The following DDX31 variants were observed in gnomAD, a reference collection of about 807,000 sequenced individuals.
The protein encoded by DDX31 is DEAD-box helicase 31.
A neutral mutation model predicts 91.3 loss-of-function variants in DDX31; 70 were observed. The observed-to-expected ratio is 0.77, with a 90% CI of 0.63 to 0.94. The LOEUF is 0.94. DDX31 is among the 40% of genes least tolerant of loss of function. The pLI is 0.00. For missense variants in DDX31, 902 were observed against 925.0 expected (o/e 0.98, Z 0.32); for synonymous variants, 362 against 350.6 (o/e 1.03, Z -0.36).
intron 19 of DDX31, among the ~76,000 whole-genome samples, chr9:132,609,100 G>C (rs1248223800): frequency 1.3e-5 from 2 of 152,126 alleles, no homozygotes; most frequent in African/African-American, 2.4e-5. Context: ...GCCTTCAAAA[G>C]AAGGGCATAG....
Position 132,669,660 on chromosome 9 carries a change from T to G in DDX31, c.75+200A>C, listed in dbSNP as rs550789818. The G allele has an allele frequency of 3.9e-4, 595 of 1,532,344 alleles. 1 individual carries two copies. The African/African-American group carries it at 6.9e-3, about 18-fold the overall frequency. 94.9% of individuals were successfully genotyped at this position (1,532,344 alleles called of 1,614,324 possible). On this transcript the variant is annotated intron_variant, in intron 1 of 19. Coordinates refer to ENST00000372159, the MANE Select transcript of DDX31 (RefSeq NM_022779.9). Reference sequence around the variant, plus strand: ...CCCTCCACACCGCTCCACTCCCCGCTTCCAGGCGCATCCCTGCGGGTGGTG... The same window carrying G: ...CCCTCCACACCGCTCCACTCCCCGCGTCCAGGCGCATCCCTGCGGGTGGTG...
intron 13 of DDX31, among the ~76,000 whole-genome samples, chr9:132,645,265 C>A (rs1046200330): frequency 8.5e-5 from 13 of 152,138 alleles, no homozygotes; most frequent in Non-Finnish European, 1.9e-4. Flanking sequence ...TGGAGGAATG[C>A]GACTCACATA....
chr9:132,652,056 G>T (rs937730585), intron 7 of DDX31, among the ~76,000 whole-genome samples: 1 of 151,872 alleles, frequency 6.6e-6, no homozygotes, highest in Non-Finnish European at 1.5e-5. Flanking sequence ...TAACTTTTAG[G>T]AACAAGTAAC....
At chr9:132,652,402 G>A (rs1834250777) in intron 7 of DDX31, 46 bp downstream of exon 7, 11 of 1,612,392 alleles carry the variant, frequency 6.8e-6, no homozygotes, top group Non-Finnish European at 9.3e-6. Context: ...CGGGACATTA[G>A]TGAAAGCATG....
intron 11 of DDX31, 79 bp downstream of exon 11, chr9:132,648,110 A>T: frequency 8.3e-7 from 1 of 1,207,694 alleles, no homozygotes; most frequent in Middle Eastern, 2.8e-4. Flanking sequence ...GAATCACTGC[A>T]GCAAACAACC....
rs117982665 is a variant in DDX31, at chr9:132,638,825, G to A, written c.1440+3179C>T. 1.5e-3 allele frequency among the ~76,000 whole-genome samples: 221 copies of A among 152,296 alleles called. 5 individuals carry two copies. The East Asian group carries it at 0.034, about 23-fold the overall frequency. On this transcript the variant is annotated intron_variant, in intron 14 of 19. Transcript: ENST00000372159. ...GGACTTTTTAACCATGAAGGAAACA[G>A]CGTAATTGTGAACTTCTGTGTGAGC...
rs952729210 is a variant in DDX31 at position 132,594,516 on chromosome 9, C to G, written c.*350G>C. ...CACAGTTAAGGGCAGCAATCAAGCC[C>G]GTTCCAGGCTGACGCGCAGGGCGTT... On this transcript the variant is annotated 3_prime_UTR_variant, in exon 20 of 20. Coordinates refer to ENST00000372159, the MANE Select transcript of DDX31 (RefSeq NM_022779.9). The G allele has an allele frequency of 4.1e-5, 9 of 218,150 alleles. No homozygotes were observed. The highest frequency in any genetic ancestry group is 7.3e-5 in the Non-Finnish European group (8 of 108,924). The allele number at this position is 218,150 out of a possible 1,614,324, so 13.5% of individuals were successfully genotyped here. A position where few individuals can be genotyped will look rare whatever the true frequency, so the allele number is the denominator to read the frequency against.
At chr9:132,669,812 C>T in intron 1 of DDX31, 48 bp downstream of exon 1, 1 of 1,529,994 alleles carries the variant, frequency 6.5e-7, no homozygotes, top group South Asian at 1.2e-5. Context: ...GGCGCGCCCA[C>T]AGCCGGGCCG....
chr9:132,658,758 A>G (rs751956430), intron 5 of DDX31, 23 bp from the exon 6 acceptor site: 187 of 1,610,402 alleles, frequency 1.2e-4, no homozygotes, highest in Non-Finnish European at 1.5e-4. Context: ...AAGCAGAAGC[A>G]ATTAAAATCA....
intron 17 of DDX31, among the ~76,000 whole-genome samples, chr9:132,624,818 T>A (rs1832297272): frequency 6.6e-6 from 1 of 152,186 alleles, no homozygotes; most frequent in South Asian, 2.1e-4. Context: ...CAAGAGAATT[T>A]AAGTCAGGCT....
rs57020423 is a variant in DDX31, at chr9:132,632,241, TACACAC to T, written c.1441-156_1441-151del. ...CATACACGTATATGCCCAGTACGTG[TACACAC>T]ACACACACACACACACACACACACA... On this transcript the variant is annotated intron_variant, in intron 14 of 19. Coordinates refer to ENST00000372159, the MANE Select transcript of DDX31 (RefSeq NM_022779.9). 97 of 94,136 alleles carry T rather than the reference TACACAC, an allele frequency of 1.0e-3. 1 individual carries two copies. Among genetic ancestry groups the T allele is most frequent in the Non-Finnish European group, 1.3e-3 (65 of 51,994 alleles). 5.8% of individuals were successfully genotyped at this position (94,136 alleles called of 1,614,324 possible). A position where few individuals can be genotyped will look rare whatever the true frequency, so the allele number is the denominator to read the frequency against.
chr9:132,668,864 G>C (rs1320927821), intron 1 of DDX31, among the ~76,000 whole-genome samples: 1 of 152,196 alleles, frequency 6.6e-6, no homozygotes, highest in Non-Finnish European at 1.5e-5. Flanking sequence ...CACCGCGCCC[G>C]GCCGCGGCTT....
rs994516574 is a variant in DDX31 at position 132,594,175 on chromosome 9, C to T, written c.*691G>A. On this transcript the variant is annotated 3_prime_UTR_variant, in exon 20 of 20. Transcript: ENST00000372159. ...ACTTCAAAGGCAAATAATAAAAAGCCAACAGTAAATCAATTAGCCCTGAGA... is the reference window on the plus strand; with the variant it reads ...ACTTCAAAGGCAAATAATAAAAAGCTAACAGTAAATCAATTAGCCCTGAGA... 6.6e-6 allele frequency: 1 copy of T among 151,972 alleles called. No homozygotes were observed. The highest frequency in any genetic ancestry group is 6.5e-5 in the Admixed American group (1 of 15,272). The allele number at this position is 151,972 out of a possible 1,614,324, so 9.4% of individuals were successfully genotyped here.
intron 1 of DDX31, among the ~76,000 whole-genome samples, chr9:132,664,224 CACATA>C (rs946938787): frequency 1.3e-5 from 2 of 152,214 alleles, no homozygotes; most frequent in African/African-American, 2.4e-5. Flanking sequence ...TTCCTCTTAA[CACATA>C]ACATTCCTTC....
chr9:132,597,221 C>T (rs767239338), intron 19 of DDX31, among the ~76,000 whole-genome samples: 18 of 152,286 alleles, frequency 1.2e-4, no homozygotes, highest in Middle Eastern at 3.4e-3. Context: ...ATGGGTCACC[C>T]GCCCAGTGCG....
At position 132,618,411 on chromosome 9, in the gene DDX31, G is replaced by C. The variant is rs760169249; in HGVS notation, c.1744C>G (p.Arg582Gly). Residue 582 changes from arginine (R) to glycine (G), a missense_variant, in exon 18 of 20, where the codon CGA (arginine) becomes GGA (glycine). Physicochemically the swap from Arg to Gly is moderately radical, Grantham distance 125. Transcript: ENST00000372159. ...KSHAVGPQEI[R>G]ERATVLQTVF... is the part of the protein sequence containing the mutation. ...GTCTGCAAGACTGTGGCTCGCTCTCGGATTTCCTGGGGGCCAACAGCATGG... is the reference window on the plus strand; with the variant it reads ...GTCTGCAAGACTGTGGCTCGCTCTCCGATTTCCTGGGGGCCAACAGCATGG... 2 of 1,611,578 alleles carry C rather than the reference G, an allele frequency of 1.2e-6. No individual in the cohort carries two copies. The highest frequency in any genetic ancestry group is 2.7e-5 in the African/African-American group (2 of 74,840).
At chr9:132,651,230 G>A in intron 7 of DDX31, 114 bp from the exon 8 acceptor site, 13 of 870,950 alleles carry the variant, frequency 1.5e-5, no homozygotes, top group Middle Eastern at 3.2e-4. Context: ...GATTTAAGAA[G>A]AAAAAAAATC....
At chr9:132,662,372 C>T in intron 2 of DDX31, 36 bp from the exon 3 acceptor site, 1 of 1,614,026 alleles carries the variant, frequency 6.2e-7, no homozygotes, top group Non-Finnish European at 8.5e-7. Context: ...GCATCAGTGC[C>T]AATATTAACA....
intron 14 of DDX31, among the ~76,000 whole-genome samples, chr9:132,637,117 T>C (rs1225561372): frequency 6.6e-6 from 1 of 152,130 alleles, no homozygotes; most frequent in Admixed American, 6.5e-5. Flanking sequence ...CTCTGTACTC[T>C]CCTCTTCCAT....
Sources: allele counts gnomAD v4.1 joint callset (sites outside exome capture counted in the v4.1 genomes callset), GRCh38; gene constraint gnomAD v4.1.1; transcripts MANE v1.5; gene names NCBI Gene and HGNC (gene_info 2026-07-23, HGNC 2026-07-21).